The following PELP1 variants were observed in gnomAD, a reference collection of about 807,000 sequenced individuals.
PELP1 encodes proline, glutamate and leucine rich protein 1.
PELP1 carries 32 observed loss-of-function variants against 95.5 expected under a neutral mutation model. The ratio of observed to expected loss-of-function variants is 0.34; its 90% CI spans 0.25 to 0.45. The LOEUF (loss-of-function observed/expected upper bound fraction) is 0.45, where lower values mean the gene tolerates loss of function less well. Ranked by LOEUF, PELP1 falls within the 20% of genes least tolerant of loss-of-function variation. The pLI, the probability that PELP1 is intolerant of heterozygous loss-of-function variation, is 1.00. For synonymous variants in PELP1, 668 were observed against 600.1 expected (o/e 1.11, Z -1.65); for missense variants, 1,358 against 1,444.8 (o/e 0.94, Z 0.97).
intron 3 of PELP1, among the ~76,000 whole-genome samples, chr17:4,683,760 G>A (rs1333641835): frequency 1.0e-5 from 1 of 99,474 alleles, no homozygotes; most frequent in Non-Finnish European, 2.2e-5. Flanking sequence ...TGAACTCTGG[G>A]AGTCAAGTGA....
At position 4,674,620 on chromosome 17, in the gene PELP1, G is replaced by A. The variant is rs1286818598; in HGVS notation, c.1472C>T (p.Pro491Leu). The part of the protein sequence containing the change: ...SPDGSLQTGK[P>L]SAPKKLKLDV... ...CAGCTTTAGCTTCTTGGGGGCGCTA[G>A]GCTTCCCAGTCTGCAAACTCCCATC... Residue 491 changes from proline (P) to leucine (L), a missense_variant, in exon 13 of 17, where the codon CCT becomes CTT. Physicochemically the swap from Pro to Leu is moderately conservative, Grantham distance 98. Transcript: ENST00000572293. 6.2e-7 allele frequency: 1 copy of A among 1,605,148 alleles called. No homozygotes were observed. Among genetic ancestry groups the A allele is most frequent in the African/African-American group, 1.3e-5 (1 of 74,202 alleles).
Position 4,672,158 on chromosome 17 carries a change from C to CTTT in PELP1, c.2832_2833insAAA (p.Glu944_Glu945insLys). ...TCCTCCTCATCCTCCTCTTCTTCTT[C>CTTT]TTCCTCTAACTCACCTTCTTCTTCC... On this transcript the variant is annotated inframe_insertion, in exon 16 of 17. Transcript: ENST00000572293. 1 of 1,552,244 alleles carries CTTT rather than the reference C, an allele frequency of 6.4e-7. No individual in the cohort carries two copies. Among genetic ancestry groups the CTTT allele is most frequent in the Middle Eastern group, 1.7e-4 (1 of 5,780 alleles).
chr17:4,672,973 G>A lies in PELP1; in HGVS notation c.2018C>T (p.Ser673Leu), dbSNP rs749300100. ...GCCTGCTGAGGGCATGGAGCCCACTGAGGGCATGGGGCCCGGAGGATGGAA... is the reference window on the plus strand; with the variant it reads ...GCCTGCTGAGGGCATGGAGCCCACTAAGGGCATGGGGCCCGGAGGATGGAA... Reference protein sequence around the residue: ...PPFHPPGPMPSVGSMPSAGPM... With the variant: ...PPFHPPGPMPLVGSMPSAGPM... Residue 673 changes from serine to leucine, a missense_variant, in exon 16 of 17, where the codon TCA becomes TTA. Around this residue, in one of 7 missense-constraint regions of PELP1, gnomAD observed 340 missense variants for 322.9 expected, o/e 1.05. Transcript: ENST00000572293. 6.3e-7 allele frequency: 1 copy of A among 1,586,570 alleles called. No individual in the cohort carries two copies. The highest frequency in any genetic ancestry group is 1.2e-5 in the South Asian group (1 of 86,766).
At chr17:4,700,482 T>C (rs1913480838) in intron 1 of PELP1, among the ~76,000 whole-genome samples, 1 of 151,936 alleles carries the variant, frequency 6.6e-6, no homozygotes, top group Admixed American at 6.6e-5. Flanking sequence ...CCGTCTCTAC[T>C]AAAAATACAA....
chr17:4,674,948 C>A lies in PELP1; in HGVS notation c.1283G>T (p.Arg428Leu), dbSNP rs1415166448. The A allele has an allele frequency of 6.2e-7, 1 of 1,611,160 alleles. No homozygotes were observed. The highest frequency in any genetic ancestry group is 8.5e-7 in the Non-Finnish European group (1 of 1,178,000). ...PGQERPYSTV[R>L]TKVYAILELW... is the part of the protein sequence containing the mutation. ...CTCTAATATCGCATACACCTTGGTC[C>A]GAACCGTGCTGTGTCATGAGCAAAG... The change falls in exon 12 of 17, where the codon CGG becomes CTG. Residue 428 changes from arginine (R) to leucine (L), a missense_variant. Physicochemically the swap from Arg to Leu is moderately radical, Grantham distance 102 (BLOSUM62 -2). Coordinates refer to ENST00000572293, the MANE Select transcript of PELP1 (RefSeq NM_014389.3).
chr17:4,676,694 A>C, intron 6 of PELP1, 59 bp downstream of exon 6: 1 of 1,457,562 alleles, frequency 6.9e-7, no homozygotes, highest in Non-Finnish European at 9.4e-7. Flanking sequence ...GAGGAGGAGC[A>C]GCAAGAGACA....
chr17:4,702,032 T>C (rs1913558579), intron 1 of PELP1, among the ~76,000 whole-genome samples: 2 of 152,188 alleles, frequency 1.3e-5, no homozygotes, highest in Admixed American at 1.3e-4. Context: ...TGTAGTTGAC[T>C]TTGAGGGAGG....
chr17:4,674,032 C>G (rs1160736421), intron 13 of PELP1, among the ~76,000 whole-genome samples: 1 of 152,194 alleles, frequency 6.6e-6, no homozygotes, highest in Non-Finnish European at 1.5e-5. Flanking sequence ...AACCTGTGGA[C>G]AGGTCAGTGG....
rs200425446 is a variant in PELP1, at chr17:4,682,864, C to A, written c.509G>T (p.Arg170Leu). Residue 170 changes from arginine to leucine, a missense_variant, in exon 4 of 17, where the codon CGG (arginine) becomes CTG (leucine). By Grantham distance (102) the Arg-to-Leu change is moderately radical. Around this residue, in one of 7 missense-constraint regions of PELP1, gnomAD observed 538 missense variants for 628.1 expected, o/e 0.86. Transcript: ENST00000572293. ...AGGGAGGTGGTTCATGGAGATGTCC[C>A]GGAACAGTGCAGGCAGCTGGGCTGC... ...RYAAQLPALF[R>L]DISMNHLPGL... is the part of the protein sequence containing the mutation. 1 of 1,601,740 alleles carries A rather than the reference C, an allele frequency of 6.2e-7. No individual in the cohort carries two copies. The highest frequency in any genetic ancestry group is 8.5e-7 in the Non-Finnish European group (1 of 1,175,054).
chr17:4,693,694 T>C (rs990027902), intron 1 of PELP1, among the ~76,000 whole-genome samples: 2 of 152,208 alleles, frequency 1.3e-5, no homozygotes, highest in African/African-American at 4.8e-5. Context: ...ATGATTCATG[T>C]CCGATTCACG....
In PELP1 at chr17:4,672,407, G is replaced by A; in HGVS notation, c.2584C>T (p.Pro862Ser). ...PVTLPPPQLV[P>S]EGTPGGGGPP... ...CCTCCCCCACCAGGAGTCCCTTCAG[G>A]GACCAACTGGGGTGGAGGGAGCGTC... The change falls in exon 16 of 17, where the codon CCT becomes TCT. Residue 862 changes from proline to serine, a missense_variant. Pro to Ser is a moderately conservative substitution (Grantham distance 74). This residue lies in a region of PELP1 where 340 missense variants were observed against 322.9 expected (regional missense o/e 1.05). Transcript: ENST00000572293. 1 of 1,564,588 alleles carries A rather than the reference G, an allele frequency of 6.4e-7. No homozygotes were observed. The highest frequency in any genetic ancestry group is 2.3e-5 in the East Asian group (1 of 42,646).
chr17:4,674,944 G>C lies in PELP1; in HGVS notation c.1287C>G (p.Thr429=). Reference sequence around the variant, plus strand: ...ACAGCTCTAATATCGCATACACCTTGGTCCGAACCGTGCTGTGTCATGAGC... The same window carrying C: ...ACAGCTCTAATATCGCATACACCTTCGTCCGAACCGTGCTGTGTCATGAGC... ...GQERPYSTVR[T]KVYAILELWV... Residue 429 remains threonine (T), a synonymous_variant, in exon 12 of 17, where the codon ACC becomes ACG. Transcript: ENST00000572293. The C allele has an allele frequency of 6.2e-7, 1 of 1,611,898 alleles. No individual in the cohort carries two copies. Among genetic ancestry groups the C allele is most frequent in the East Asian group, 2.2e-5 (1 of 44,790 alleles).
rs1440525401 is a variant in PELP1, at chr17:4,673,685, A to G, written c.1583-11T>C. 6.2e-7 allele frequency: 1 copy of G among 1,613,412 alleles called. No homozygotes were observed. Among genetic ancestry groups the G allele is most frequent in the Admixed American group, 1.7e-5 (1 of 60,026 alleles). The stretch of plus-strand genomic sequence containing the variant: ...TGGTCCGGCTGAGGCCTGGGGAAGA[A>G]GAATGGTGTGTAAAGGGTAGGCTCC... On this transcript the variant is annotated splice_polypyrimidine_tract_variant and intron_variant, in intron 13 of 16. Coordinates refer to ENST00000572293, the MANE Select transcript of PELP1 (RefSeq NM_014389.3). This position sits in a 1 kb window ranked among gnomAD's most constrained non-coding sequence, Gnocchi z 5.7.
chr17:4,695,278 C>T (rs1309374201), intron 1 of PELP1, among the ~76,000 whole-genome samples: 3 of 151,846 alleles, frequency 2.0e-5, no homozygotes, highest in Non-Finnish European at 2.9e-5. Flanking sequence ...GCCGAGATCA[C>T]GCCACTGCAC....
At chr17:4,703,155 A>G (rs533793437) in intron 1 of PELP1, among the ~76,000 whole-genome samples, 1 of 152,132 alleles carries the variant, frequency 6.6e-6, no homozygotes, top group Non-Finnish European at 1.5e-5. Flanking sequence ...CTGCCTACCC[A>G]TCTCACCAGT....
chr17:4,696,445 G>A (rs1429210998), intron 1 of PELP1, among the ~76,000 whole-genome samples: 1 of 152,194 alleles, frequency 6.6e-6, no homozygotes, highest in Non-Finnish European at 1.5e-5. Context: ...AGGTGGAGAG[G>A]AGTAACCAAT....
chr17:4,692,531 G>A (rs761429222), intron 1 of PELP1, among the ~76,000 whole-genome samples: 2 of 151,918 alleles, frequency 1.3e-5, no homozygotes, highest in African/African-American at 4.8e-5. Flanking sequence ...TTAGGTGCCA[G>A]GTACTTATTT....
intron 12 of PELP1, 32 bp from the exon 13 acceptor site, chr17:4,674,701 C>A: frequency 6.3e-7 from 1 of 1,590,542 alleles, no homozygotes; most frequent in South Asian, 1.1e-5. Context: ...ATCACATCCA[C>A]AGGCAAACAA....
chr17:4,671,875 C>T lies in PELP1; in HGVS notation c.3116G>A (p.Arg1039Lys). Reference protein sequence around the residue: ...EALPSQGEVEREGESPAAGPP... With the variant: ...EALPSQGEVEKEGESPAAGPP... ...CCCTGCCGCAGGGCTTTCCCCTTCC[C>T]TCTCCACCTCTCCCTGGGAGGGGAG... is the stretch of plus-strand genomic sequence containing the variant. Residue 1039 changes from arginine (R) to lysine (K), a missense_variant, in exon 16 of 17, where the codon AGG (arginine) becomes AAG (lysine). Around this residue, in one of 7 missense-constraint regions of PELP1, gnomAD observed 283 missense variants for 284.1 expected, o/e 1.00. Coordinates refer to ENST00000572293, the MANE Select transcript of PELP1 (RefSeq NM_014389.3). 1 of 1,514,048 alleles carries T rather than the reference C, an allele frequency of 6.6e-7. No individual in the cohort carries two copies. Among genetic ancestry groups the T allele is most frequent in the Non-Finnish European group, 8.8e-7 (1 of 1,134,904 alleles). The allele number at this position is 1,514,048 out of a possible 1,614,324, so 93.8% of individuals were successfully genotyped here.
Sources: gnomAD v4.1 joint callset for allele counts (sites outside exome capture counted in the v4.1 genomes callset) on GRCh38, gnomAD v4.1.1 for gene constraint, gnomAD v4.1.1 regional missense constraint, Gnocchi (gnomAD v3.1) non-coding constraint, MANE v1.5 for transcripts, NCBI Gene and HGNC (gene_info 2026-07-23, HGNC 2026-07-21) for gene names.